The following ELSPBP1 variants were observed in gnomAD, a reference collection of about 807,000 sequenced individuals.
ELSPBP1 encodes the protein epididymal sperm-binding protein 1.
Under a neutral mutation model 33.3 loss-of-function variants are expected in ELSPBP1, and 38 were observed. That is an observed-to-expected ratio of 1.14 (90% CI 0.88 to 1.50). The LOEUF (loss-of-function observed/expected upper bound fraction) is 1.50, where lower values mean the gene tolerates loss of function less well. ELSPBP1 is among the 40% of genes most tolerant of loss of function. ELSPBP1 has a pLI of 0.00. For missense variants in ELSPBP1, 267 were observed against 263.5 expected (o/e 1.01, Z -0.09); for synonymous variants, 85 against 94.1 (o/e 0.90, Z 0.56).
chr19:47,995,307 G>A (rs12052140), intron 1 of ELSPBP1, among the ~76,000 whole-genome samples: 10,150 of 152,210 alleles, frequency 0.067, 432 homozygotes, highest in East Asian at 0.22. Context: ...TTCTATGAAT[G>A]ATGTAATGCT....
chr19:47,997,432 A>G (rs1480677123), intron 1 of ELSPBP1, among the ~76,000 whole-genome samples: 1 of 152,218 alleles, frequency 6.6e-6, no homozygotes, highest in African/African-American at 2.4e-5. Context: ...GTATACATAT[A>G]TACACATCTA....
At chr19:48,020,318 AAAAT>A (rs1398355782) in intron 5 of ELSPBP1, among the ~76,000 whole-genome samples, 1 of 152,158 alleles carries the variant, frequency 6.6e-6, no homozygotes, top group Non-Finnish European at 1.5e-5. Context: ...CCTTGCGTCT[AAAAT>A]AAATAAATAA....
chr19:48,008,897 G>A (rs1343983405), intron 2 of ELSPBP1, among the ~76,000 whole-genome samples, 160 bp downstream of exon 2: 3 of 152,174 alleles, frequency 2.0e-5, no homozygotes, highest in Non-Finnish European at 4.4e-5. Flanking sequence ...GCACTTTGCA[G>A]GGCTGAGGCA....
chr19:48,002,988 T>C (rs1285053958), intron 1 of ELSPBP1, among the ~76,000 whole-genome samples: 2 of 152,152 alleles, frequency 1.3e-5, no homozygotes, highest in Non-Finnish European at 2.9e-5. Context: ...TTTGACTCCA[T>C]AGCCACAGCA....
At chr19:47,997,577 T>C (rs1366627855) in intron 1 of ELSPBP1, among the ~76,000 whole-genome samples, 1 of 152,068 alleles carries the variant, frequency 6.6e-6, no homozygotes, top group African/African-American at 2.4e-5. Flanking sequence ...CGTGATTTTT[T>C]TTCTTTTCCT....
intron 5 of ELSPBP1, among the ~76,000 whole-genome samples, chr19:48,021,065 T>A (rs962349388): frequency 2.0e-5 from 3 of 152,220 alleles, no homozygotes; most frequent in Non-Finnish European, 4.4e-5. Flanking sequence ...CAGTTTGTAC[T>A]ATTTATGGGG....
chr19:48,023,403 GT>G (rs1967227440), intron 6 of ELSPBP1, among the ~76,000 whole-genome samples: 1 of 93,918 alleles, frequency 1.1e-5, no homozygotes, highest in African/African-American at 3.9e-5. Flanking sequence ...GAGGGAGGAA[GT>G]GAGGGAGGAG....
chr19:48,008,177 C>T (rs1967040911), intron 1 of ELSPBP1, among the ~76,000 whole-genome samples: 1 of 151,960 alleles, frequency 6.6e-6, no homozygotes, highest in Non-Finnish European at 1.5e-5. Flanking sequence ...TGTAGAAACA[C>T]ACACACATAT....
chr19:48,005,022 C>T (rs1037579477), intron 1 of ELSPBP1, among the ~76,000 whole-genome samples: 3 of 152,028 alleles, frequency 2.0e-5, no homozygotes, highest in Non-Finnish European at 4.4e-5. Context: ...CATAGCAAGA[C>T]CTCGTCTCTA....
chr19:48,019,652 G>T, intron 4 of ELSPBP1, 67 bp from the exon 5 acceptor site: 1 of 1,497,112 alleles, frequency 6.7e-7, no homozygotes. Context: ...CACAGTTTGT[G>T]TGTCATAAAT....
rs71181626 is a variant in ELSPBP1, at chr19:48,011,055, C to CGAT, written c.70+2324_70+2326dup. Among the ~76,000 whole-genome samples the CGAT allele has an allele frequency of 0.17, 25,337 of 151,562 alleles. 2,173 individuals are homozygous for CGAT. The highest frequency in any genetic ancestry group is 0.23 in the South Asian group (1,087 of 4,796). ...AATGATGAGGATGATGATGATATGA[C>CGAT]GATGATGACAATGATGACGGTAATG... On this transcript the variant is annotated intron_variant, in intron 2 of 6. Transcript: ENST00000339841. This position sits in a 1 kb window ranked among gnomAD's most constrained non-coding sequence, Gnocchi z 4.5.
Position 48,019,789 on chromosome 19 carries a change from T to C in ELSPBP1, c.426T>C (p.Asp142=), listed in dbSNP as rs771085407. 1.2e-6 allele frequency: 2 copies of C among 1,614,022 alleles called. No individual in the cohort carries two copies. The highest frequency in any genetic ancestry group is 1.7e-6 in the Non-Finnish European group (2 of 1,179,984). Residue 142 remains aspartate, a synonymous_variant, in exon 5 of 7, where the codon GAT becomes GAC. Coordinates refer to ENST00000339841, the MANE Select transcript of ELSPBP1 (RefSeq NM_022142.5). ...PSIYRNNVVS[D]CMEDESNKLW... ...TCTACAGAAATAATGTGGTCTCTGATTGCATGGAGGATGAAAGCAACAAGC... is the reference window on the plus strand; with the variant it reads ...TCTACAGAAATAATGTGGTCTCTGACTGCATGGAGGATGAAAGCAACAAGC...
rs1190341508 is a variant in ELSPBP1 at position 48,006,621 on chromosome 19, CA to C, written c.-17-2004del. On this transcript the variant is annotated intron_variant, in intron 1 of 6. Transcript: ENST00000339841. The stretch of plus-strand genomic sequence containing the variant: ...TGGGCGACAGAGTGAGACCCTGTCT[CA>C]AAAAAAAAAAAAAAAAAAAAAAAAA... 8.0e-3 allele frequency among the ~76,000 whole-genome samples: 168 copies of C among 20,874 alleles called. 2 individuals carry two copies. Among genetic ancestry groups the C allele is most frequent in the Middle Eastern group, 0.029 (1 of 34 alleles). 13.7% of individuals were successfully genotyped at this position (20,874 alleles called of 152,430 possible). A position where few individuals can be genotyped will look rare whatever the true frequency, so the allele number is the denominator to read the frequency against.
chr19:48,023,719 A>C (rs1179061678), intron 6 of ELSPBP1, among the ~76,000 whole-genome samples: 1 of 151,728 alleles, frequency 6.6e-6, no homozygotes, highest in Non-Finnish European at 1.5e-5. Flanking sequence ...CCAAGGGAAA[A>C]ATGGGGTTTA....
rs1967077580 is a variant in ELSPBP1 at position 48,011,437 on chromosome 19, C to G, written c.70+2700C>G. Among the ~76,000 whole-genome samples the G allele has an allele frequency of 1.1e-5, 1 of 94,720 alleles. No individual in the cohort carries two copies. The highest frequency in any genetic ancestry group is 4.8e-4 in the East Asian group (1 of 2,092). 62.1% of individuals were successfully genotyped at this position (94,720 alleles called of 152,430 possible). A position where few individuals can be genotyped will look rare whatever the true frequency, so the allele number is the denominator to read the frequency against. On this transcript the variant is annotated intron_variant, in intron 2 of 6. Coordinates refer to ENST00000339841, the MANE Select transcript of ELSPBP1 (RefSeq NM_022142.5). This position sits in a 1 kb window ranked among gnomAD's most constrained non-coding sequence, Gnocchi z 4.5. Reference sequence around the variant, plus strand: ...ATGTGATGAGGAGGAGAATAATGATCACGATGACAGTGATGATGATGACAA... The same window carrying G: ...ATGTGATGAGGAGGAGAATAATGATGACGATGACAGTGATGATGATGACAA...
At chr19:48,013,757 C>G (rs925648620) in intron 2 of ELSPBP1, among the ~76,000 whole-genome samples, 1 of 151,628 alleles carries the variant, frequency 6.6e-6, no homozygotes, top group Non-Finnish European at 1.5e-5. Context: ...TAAAAAGTAC[C>G]ATTGACTGCG....
chr19:48,015,711 A>G (rs1271251420), intron 3 of ELSPBP1, among the ~76,000 whole-genome samples, 182 bp from the exon 4 acceptor site: 1 of 152,192 alleles, frequency 6.6e-6, no homozygotes, highest in Non-Finnish European at 1.5e-5. Context: ...CCCGAGTTCA[A>G]ACTTGTGTTG....
chr19:48,014,758 A>AAAAAAG (rs1368892865), intron 3 of ELSPBP1, among the ~76,000 whole-genome samples: 2 of 151,872 alleles, frequency 1.3e-5, no homozygotes, highest in Middle Eastern at 3.2e-3. Context: ...ACAAATAAAA[A>AAAAAAG]AAAAAGAAAA....
intron 1 of ELSPBP1, among the ~76,000 whole-genome samples, chr19:47,997,428 A>C (rs1197427374): frequency 6.6e-6 from 1 of 152,200 alleles, no homozygotes; most frequent in Non-Finnish European, 1.5e-5. Context: ...GCCTGTATAC[A>C]TATATACACA....
Sources: gnomAD v4.1 joint callset for allele counts (sites outside exome capture counted in the v4.1 genomes callset) on GRCh38, gnomAD v4.1.1 for gene constraint, Gnocchi (gnomAD v3.1) non-coding constraint, MANE v1.5 for transcripts, NCBI Gene and HGNC (gene_info 2026-07-23, HGNC 2026-07-21) for gene names.